USH2A: variants seen among roughly 807,000 people sequenced by gnomAD.
USH2A encodes usherin.
In USH2A, 443 loss-of-function variants were observed where a neutral mutation model predicts 538.9. That is an observed-to-expected ratio of 0.82 (90% CI 0.76 to 0.89). The LOEUF is 0.89. Ranked by LOEUF, USH2A falls within the 40% of genes least tolerant of loss-of-function variation. The pLI is 0.00. For synonymous variants in USH2A, 2,413 were observed against 2,273.5 expected (o/e 1.06, Z -1.75); for missense variants, 6,633 against 6,324.8 (o/e 1.05, Z -1.65).
intron 71 of USH2A, among the ~76,000 whole-genome samples, chr1:215,626,963 T>A (rs1656047798): frequency 6.6e-6 from 1 of 152,180 alleles, no homozygotes; most frequent in Non-Finnish European, 1.5e-5. Flanking sequence ...CAAATATAAT[T>A]ATCCCTGCCT....
intron 61 of USH2A, among the ~76,000 whole-genome samples, chr1:215,695,925 T>C (rs1286881434): frequency 6.6e-6 from 1 of 152,044 alleles, no homozygotes; most frequent in East Asian, 1.9e-4. Context: ...TTTTGTATTT[T>C]TTTTTTAGAG....
intron 4 of USH2A, among the ~76,000 whole-genome samples, chr1:216,347,549 A>C (rs964482963): frequency 6.6e-6 from 1 of 152,130 alleles, no homozygotes; most frequent in African/African-American, 2.4e-5. Context: ...AGCATAGAAA[A>C]ATATGAAATG....
intron 52 of USH2A, among the ~76,000 whole-genome samples, chr1:215,785,330 G>A (rs537603557): frequency 6.6e-6 from 1 of 152,306 alleles, no homozygotes; most frequent in African/African-American, 2.4e-5. Flanking sequence ...ATAACAGCTT[G>A]AAGTGCATTT....
chr1:216,225,861 G>A (rs1421562427), intron 14 of USH2A, among the ~76,000 whole-genome samples: 1 of 152,146 alleles, frequency 6.6e-6, no homozygotes, highest in African/African-American at 2.4e-5. Flanking sequence ...CGAGGGACTT[G>A]CAAGCGTAAA....
intron 47 of USH2A, among the ~76,000 whole-genome samples, chr1:215,836,487 AT>A (rs1178843914): frequency 0.056 from 380 of 6,776 alleles, 20 homozygotes; most frequent in South Asian, 0.21. Context: ...TATAATATAT[AT>A]TATATATATA....
chr1:216,411,051 C>T (rs139125306), intron 3 of USH2A, among the ~76,000 whole-genome samples: 146 of 152,088 alleles, frequency 9.6e-4, no homozygotes, highest in African/African-American at 3.3e-3. Flanking sequence ...CATCTCCTGT[C>T]CTTCACATAA....
At chr1:216,244,867 C>G (rs1158171486) in intron 13 of USH2A, among the ~76,000 whole-genome samples, 2 of 152,054 alleles carry the variant, frequency 1.3e-5, no homozygotes, top group Non-Finnish European at 2.9e-5. Flanking sequence ...TTGTATTATA[C>G]ATACAATTAA....
chr1:216,057,119 T>C (rs1208099797), intron 30 of USH2A, among the ~76,000 whole-genome samples: 1 of 152,098 alleles, frequency 6.6e-6, no homozygotes, highest in African/African-American at 2.4e-5. Context: ...TCTTATTGCA[T>C]AAAATAAAAT....
intron 21 of USH2A, among the ~76,000 whole-genome samples, chr1:216,167,787 C>T (rs187070607): frequency 1.4e-4 from 22 of 152,228 alleles, no homozygotes; most frequent in Admixed American, 1.2e-3. Context: ...GTCTTGGTCT[C>T]TTAATATGCC....
intron 30 of USH2A, among the ~76,000 whole-genome samples, chr1:216,054,538 G>A (rs967706087): frequency 3.9e-5 from 6 of 152,090 alleles, no homozygotes; most frequent in Admixed American, 1.3e-4. Flanking sequence ...AAGTATAAAT[G>A]CTCTGCCTGG....
chr1:216,265,989 T>A (rs2036464860), intron 11 of USH2A, among the ~76,000 whole-genome samples: 1 of 152,104 alleles, frequency 6.6e-6, no homozygotes, highest in South Asian at 2.1e-4. Flanking sequence ...TTTATAGTAC[T>A]GTATGGTGAC....
chr1:215,663,850 A>G (rs528973377), intron 64 of USH2A, among the ~76,000 whole-genome samples: 4 of 152,306 alleles, frequency 2.6e-5, no homozygotes, highest in East Asian at 3.9e-4. Context: ...TATGAGTCCA[A>G]TGCTATATCT....
intron 32 of USH2A, among the ~76,000 whole-genome samples, chr1:216,022,676 A>G (rs1296380378): frequency 2.6e-5 from 4 of 152,192 alleles, no homozygotes; most frequent in African/African-American, 9.6e-5. Context: ...AGTCTCATTC[A>G]GCTTTGGTAC....
chr1:216,331,519 A>G (rs956400144), intron 4 of USH2A, among the ~76,000 whole-genome samples: 8 of 152,090 alleles, frequency 5.3e-5, no homozygotes, highest in African/African-American at 1.9e-4. Flanking sequence ...AACAGATAAT[A>G]AGGCTAAGTA....
chr1:216,285,575 T>C (rs2036866022), intron 11 of USH2A, among the ~76,000 whole-genome samples: 1 of 152,130 alleles, frequency 6.6e-6, no homozygotes, highest in South Asian at 2.1e-4. Flanking sequence ...CCCACTGGGG[T>C]ACTGCCTGGT....
chr1:216,069,251 G>A (rs994490885), intron 30 of USH2A, among the ~76,000 whole-genome samples: 25 of 152,126 alleles, frequency 1.6e-4, no homozygotes, highest in African/African-American at 6.0e-4. Context: ...GTGTGAATTT[G>A]TTTTTCTTTT....
intron 67 of USH2A, among the ~76,000 whole-genome samples, chr1:215,644,806 C>T (rs1656795663): frequency 6.6e-6 from 1 of 152,190 alleles, no homozygotes; most frequent in African/African-American, 2.4e-5. Flanking sequence ...GGCAAAGCAT[C>T]TGCAGACCGT....
At chr1:215,784,914 A>G (rs1160111207) in intron 52 of USH2A, among the ~76,000 whole-genome samples, 5 of 152,202 alleles carry the variant, frequency 3.3e-5, no homozygotes, top group African/African-American at 1.2e-4. Context: ...GATCTTGATT[A>G]CAAGGGGCAG....
chr1:215,977,222 A>C (rs1436534215), intron 35 of USH2A, among the ~76,000 whole-genome samples: 1 of 152,126 alleles, frequency 6.6e-6, no homozygotes, highest in Non-Finnish European at 1.5e-5. Flanking sequence ...AATAAAAAAA[A>C]TCTTTGCTAG....
Sources: allele counts gnomAD v4.1 joint callset (sites outside exome capture counted in the v4.1 genomes callset), GRCh38; gene constraint gnomAD v4.1.1; transcripts MANE v1.5; gene names NCBI Gene and HGNC (gene_info 2026-07-23, HGNC 2026-07-21).